The following SLC38A10 variants were observed in gnomAD, a reference collection of about 807,000 sequenced individuals.
SLC38A10 encodes the protein Sodium-coupled neutral amino acid transporter 10.
A neutral mutation model predicts 81.0 loss-of-function variants in SLC38A10; 53 were observed. That is an observed-to-expected ratio of 0.65 (90% CI 0.53 to 0.82). SLC38A10 has a LOEUF of 0.82. Among genes scored for constraint, SLC38A10 ranks in the 40% least tolerant of loss-of-function variants. The pLI is 0.00. For synonymous variants in SLC38A10, 665 were observed against 655.3 expected (o/e 1.01, Z -0.23); for missense variants, 1,471 against 1,545.0 (o/e 0.95, Z 0.80).
chr17:81,260,542 G>C, intron 10 of SLC38A10, 148 bp from the exon 11 acceptor site: 1 of 1,123,818 alleles, frequency 8.9e-7, no homozygotes, highest in East Asian at 2.6e-5. Context: ...CGGGACAGGC[G>C]TGCAGTCGGC....
At chr17:81,278,348 C>T (rs1294193686) in intron 6 of SLC38A10, among the ~76,000 whole-genome samples, 1 of 152,090 alleles carries the variant, frequency 6.6e-6, no homozygotes, top group African/African-American at 2.4e-5. Context: ...CGCATCACTG[C>T]ACTCCAGCTT....
chr17:81,250,958 G>C (rs994631578), intron 14 of SLC38A10: 21 of 1,302,318 alleles, frequency 1.6e-5, no homozygotes, highest in Admixed American at 3.7e-5. Flanking sequence ...GATCCCTGTA[G>C]ATGAACACAG....
In SLC38A10 at chr17:81,245,906, C is replaced by T. The variant is rs767838920; in HGVS notation, c.3010G>A (p.Gly1004Arg). ...VPVSHEQPRGGEDAAVQEPRQ... is the reference protein window; with the variant it reads ...VPVSHEQPRGREDAAVQEPRQ... ...GGCTCCTGGACAGCAGCGTCCTCCC[C>T]GCCTCTCGGCTGCTCGTGGGACACA... Residue 1004 changes from glycine (G) to arginine (R), a missense_variant, in exon 16 of 16, where the codon GGG becomes AGG. Around this residue, in one of 2 missense-constraint regions of SLC38A10, gnomAD observed 751 missense variants for 717.4 expected, o/e 1.05. Transcript: ENST00000374759. 14 of 1,611,756 alleles carry T rather than the reference C, an allele frequency of 8.7e-6. No individual in the cohort carries two copies. Among genetic ancestry groups the T allele is most frequent in the East Asian group, 4.5e-5 (2 of 44,864 alleles).
Position 81,253,026 on chromosome 17 carries a change from C to G in SLC38A10, c.1456+47G>C, listed in dbSNP as rs765867502. 159 of 1,596,296 alleles carry G rather than the reference C, an allele frequency of 1.0e-4. No individual in the cohort carries two copies. The highest frequency in any genetic ancestry group is 1.3e-4 in the Non-Finnish European group (156 of 1,172,792). ...AGGGTGTCCAGCCTGCAAAGGAGGA[C>G]CCGGGGCCGCCCTTCCCCATCCGCA... On this transcript the variant is annotated intron_variant, in intron 12 of 15. Coordinates refer to ENST00000374759, the MANE Select transcript of SLC38A10 (RefSeq NM_001037984.3). The surrounding 1 kb of genome is among the most constrained non-coding windows in gnomAD (Gnocchi z 4.1).
In SLC38A10 at chr17:81,283,603, G is replaced by T; in HGVS notation, c.264-101C>A. ...CCCAAGGCTGGGCTGAATGACAGATGTGATTTCTTTTTTCTTTTTTTTTTT... is the reference window on the plus strand; with the variant it reads ...CCCAAGGCTGGGCTGAATGACAGATTTGATTTCTTTTTTCTTTTTTTTTTT... On this transcript the variant is annotated intron_variant, in intron 3 of 15. Coordinates refer to ENST00000374759, the MANE Select transcript of SLC38A10 (RefSeq NM_001037984.3). The surrounding 1 kb of genome is among the most constrained non-coding windows in gnomAD (Gnocchi z 4.7). 7.9e-6 allele frequency: 6 copies of T among 760,720 alleles called. No individual in the cohort carries two copies. Among genetic ancestry groups the T allele is most frequent in the Non-Finnish European group, 1.3e-5 (6 of 471,560 alleles). 47.1% of individuals were successfully genotyped at this position (760,720 alleles called of 1,614,324 possible).
intron 14 of SLC38A10, 60 bp downstream of exon 14, chr17:81,251,433 G>C: frequency 1.9e-6 from 3 of 1,608,402 alleles, no homozygotes; most frequent in Non-Finnish European, 1.7e-6. Flanking sequence ...CCCCAGGGCT[G>C]GGGGAGGGGG....
chr17:81,258,808 C>T (rs2062995273), intron 11 of SLC38A10, among the ~76,000 whole-genome samples: 2 of 152,194 alleles, frequency 1.3e-5, no homozygotes, highest in Admixed American at 6.5e-5. Context: ...TTTTCCAGTC[C>T]GAATTACCAA....
rs1023425854 is a variant in SLC38A10 at position 81,289,590 on chromosome 17, A to C, written c.217+101T>G. On this transcript the variant is annotated intron_variant, in intron 2 of 15. Coordinates refer to ENST00000374759, the MANE Select transcript of SLC38A10 (RefSeq NM_001037984.3). This position sits in a 1 kb window ranked among gnomAD's most constrained non-coding sequence, Gnocchi z 5.9. ...AAAATAAAAAAAACCCTGCTATCCAAGGAATTCTTGAAGAATCAAGTAGAG... is the reference window on the plus strand; with the variant it reads ...AAAATAAAAAAAACCCTGCTATCCACGGAATTCTTGAAGAATCAAGTAGAG... 6 of 823,988 alleles carry C rather than the reference A, an allele frequency of 7.3e-6. No individual in the cohort carries two copies. The highest frequency in any genetic ancestry group is 1.0e-5 in the Non-Finnish European group (6 of 577,802). 51.0% of individuals were successfully genotyped at this position (823,988 alleles called of 1,614,324 possible).
rs1157762654 is a variant in SLC38A10, at chr17:81,253,748, CCAT to C, written c.1289-511_1289-509del. Among the ~76,000 whole-genome samples, 68 of 90,532 alleles carry C rather than the reference CCAT, an allele frequency of 7.5e-4. 1 individual carries two copies. The highest frequency in any genetic ancestry group is 4.2e-3 in the Middle Eastern group (1 of 236). The allele number at this position is 90,532 out of a possible 152,430, so 59.4% of individuals were successfully genotyped here. ...ACCATCTCCATCCCTACCACCATCA[CCAT>C]CATCATCACCGTCACCATCATCACC... On this transcript the variant is annotated intron_variant, in intron 11 of 15. Transcript: ENST00000374759. The surrounding 1 kb of genome is among the most constrained non-coding windows in gnomAD (Gnocchi z 4.1).
chr17:81,261,566 G>A (rs1183011175), intron 10 of SLC38A10, among the ~76,000 whole-genome samples: 2 of 152,240 alleles, frequency 1.3e-5, no homozygotes, highest in Non-Finnish European at 2.9e-5. Context: ...TTAGAGAAGA[G>A]GTCTCCCCAG....
rs923438952 is a variant in SLC38A10, at chr17:81,286,425, T to G, written c.218-1530A>C. ...AGACACGGCCCCACGCGCCTTCTTT[T>G]CCCCACCTGGGCCAAACCCTCACCC... On this transcript the variant is annotated intron_variant, in intron 2 of 15. Coordinates refer to ENST00000374759, the MANE Select transcript of SLC38A10 (RefSeq NM_001037984.3). The surrounding 1 kb of genome is among the most constrained non-coding windows in gnomAD (Gnocchi z 6.0). Among the ~76,000 whole-genome samples, 1 of 152,074 alleles carries G rather than the reference T, an allele frequency of 6.6e-6. No individual in the cohort carries two copies.
chr17:81,255,094 G>C (rs1013998123), intron 11 of SLC38A10, among the ~76,000 whole-genome samples: 1 of 152,392 alleles, frequency 6.6e-6, no homozygotes, highest in Middle Eastern at 3.4e-3. Flanking sequence ...AAGTGAGCAC[G>C]GTGAGCCGGG....
At position 81,288,209 on chromosome 17, in the gene SLC38A10, C is replaced by T. The variant is rs2146956233; in HGVS notation, c.217+1482G>A. Among the ~76,000 whole-genome samples the T allele has an allele frequency of 6.6e-6, 1 of 152,342 alleles. No individual in the cohort carries two copies. Among genetic ancestry groups the T allele is most frequent in the East Asian group, 1.9e-4 (1 of 5,190 alleles). On this transcript the variant is annotated intron_variant, in intron 2 of 15. Transcript: ENST00000374759. This position sits in a 1 kb window ranked among gnomAD's most constrained non-coding sequence, Gnocchi z 5.4. The stretch of plus-strand genomic sequence containing the variant: ...CTGGGAGGAAGTGGAGGCTGGGAGG[C>T]CAGGACCCACGTGTGGACCGTGCAG...
intron 11 of SLC38A10, among the ~76,000 whole-genome samples, chr17:81,257,488 G>GC (rs1412188339): frequency 1.3e-5 from 2 of 152,168 alleles, no homozygotes; most frequent in Admixed American, 6.5e-5. Context: ...TCCTGAGATG[G>GC]CAGGGAGCTG....
At chr17:81,252,972 G>A in intron 12 of SLC38A10, 101 bp downstream of exon 12, 1 of 1,418,396 alleles carries the variant, frequency 7.1e-7, no homozygotes, top group South Asian at 1.3e-5. Flanking sequence ...AAGGGAAAAA[G>A]ATACACACAG....
At chr17:81,261,954 T>C (rs1374614345) in intron 10 of SLC38A10, among the ~76,000 whole-genome samples, 1 of 152,222 alleles carries the variant, frequency 6.6e-6, no homozygotes. Flanking sequence ...TGGCCCCGAA[T>C]GTTCTCCTCC....
intron 3 of SLC38A10, 36 bp downstream of exon 3, chr17:81,284,814 G>A: frequency 6.7e-7 from 1 of 1,498,064 alleles, no homozygotes; most frequent in Non-Finnish European, 9.0e-7. Flanking sequence ...TGGGTGCGGG[G>A]GTGGGGGGCA....
chr17:81,274,694 T>C (rs923239614), intron 8 of SLC38A10, among the ~76,000 whole-genome samples: 2 of 152,118 alleles, frequency 1.3e-5, no homozygotes, highest in Non-Finnish European at 2.9e-5. Context: ...AGCGGGCCTT[T>C]CATGGTTCAC....
chr17:81,291,902 C>A (rs976524618), intron 1 of SLC38A10, among the ~76,000 whole-genome samples: 1 of 152,194 alleles, frequency 6.6e-6, no homozygotes, highest in Non-Finnish European at 1.5e-5. Context: ...GCAGCACCAC[C>A]GTGGCACACT....
Sources: gnomAD v4.1 joint callset for allele counts (sites outside exome capture counted in the v4.1 genomes callset) on GRCh38, gnomAD v4.1.1 for gene constraint, gnomAD v4.1.1 regional missense constraint, Gnocchi (gnomAD v3.1) non-coding constraint, MANE v1.5 for transcripts, NCBI Gene and HGNC (gene_info 2026-07-23, HGNC 2026-07-21) for gene names.